Variants in GPHN observed in about 807,000 individuals in gnomAD.
GPHN encodes the protein gephyrin.
In GPHN, 17 loss-of-function variants were observed where a neutral mutation model predicts 95.5. The observed-to-expected ratio is 0.18, with a 90% CI of 0.12 to 0.27. GPHN has a LOEUF of 0.27. Among genes scored for constraint, GPHN ranks in the 10% least tolerant of loss-of-function variants. GPHN has a pLI of 1.00. For synonymous variants in GPHN, 320 were observed against 322.5 expected (o/e 0.99, Z 0.08); for missense variants, 660 against 978.1 (o/e 0.67, Z 4.34).
At chr14:66,812,909 G>A (rs2060818208) in intron 3 of GPHN, among the ~76,000 whole-genome samples, 1 of 152,092 alleles carries the variant, frequency 6.6e-6, no homozygotes, top group South Asian at 2.1e-4. Flanking sequence ...ATTTTACTCT[G>A]GAAAATTATC....
At chr14:66,868,437 A>T (rs528314520) in intron 4 of GPHN, among the ~76,000 whole-genome samples, 1 of 152,074 alleles carries the variant, frequency 6.6e-6, no homozygotes, top group Non-Finnish European at 1.5e-5. Context: ...TCTGTTGCCC[A>T]GACTGGAGTT....
At chr14:67,442,949 G>A in the GPHN span, among the ~76,000 whole-genome samples, 2 of 152,356 alleles carry the variant, frequency 1.3e-5, no homozygotes, top group South Asian at 4.1e-4. Flanking sequence ...GCTGGGTGAG[G>A]TGGCTCATCC....
At chr14:66,703,148 T>A (rs940770833) in intron 2 of GPHN, among the ~76,000 whole-genome samples, 3 of 151,986 alleles carry the variant, frequency 2.0e-5, no homozygotes, top group Admixed American at 2.0e-4. Context: ...CTTCAGCGTT[T>A]AAAAAGACCA....
the GPHN span, chr14:67,473,561 G>A: frequency 6.2e-6 from 10 of 1,613,552 alleles, no homozygotes; most frequent in Middle Eastern, 1.6e-4. The surrounding 1 kb of genome is among the most constrained non-coding windows in gnomAD (Gnocchi z 6.5). Context: ...ACCAGGGCAC[G>A]GCGTACTCCA....
chr14:67,292,660 A>G, the GPHN span: 11 of 1,613,790 alleles, frequency 6.8e-6, no homozygotes, highest in Non-Finnish European at 9.3e-6. Context: ...CACAGTACAC[A>G]TGAACAAGGC....
chr14:66,728,045 A>G (rs1595709712), intron 2 of GPHN, among the ~76,000 whole-genome samples: 1 of 152,158 alleles, frequency 6.6e-6, no homozygotes, highest in East Asian at 1.9e-4. Flanking sequence ...TGTTCCAACC[A>G]CTTTAGCCAT....
At chr14:67,728,908 TATTAG>T in the GPHN span, among the ~76,000 whole-genome samples, 2 of 152,232 alleles carry the variant, frequency 1.3e-5, no homozygotes, top group African/African-American at 2.4e-5. Context: ...TTGTCATGTT[TATTAG>T]TAGTACTAAA....
the GPHN span, among the ~76,000 whole-genome samples, chr14:67,251,343 G>A: frequency 2.0e-5 from 3 of 152,102 alleles, no homozygotes; most frequent in African/African-American, 7.2e-5. Context: ...GACCAACCTG[G>A]GCAACACAGT....
chr14:66,541,738 T>TC (rs2059360068), intron 1 of GPHN, among the ~76,000 whole-genome samples: 1 of 152,200 alleles, frequency 6.6e-6, no homozygotes, highest in African/African-American at 2.4e-5. Context: ...GGTAAAATAG[T>TC]TTAACTTTTA....
At chr14:67,210,244 C>T in the GPHN span, among the ~76,000 whole-genome samples, 6 of 152,086 alleles carry the variant, frequency 3.9e-5, no homozygotes, top group South Asian at 6.2e-4. Flanking sequence ...ATGTCGATTT[C>T]GTGAAACAAC....
chr14:67,387,402 G>C, the GPHN span: 1 of 1,610,480 alleles, frequency 6.2e-7, no homozygotes. Flanking sequence ...GTAATAGTGT[G>C]TGTCATCCTT....
At chr14:66,564,042 T>C (rs1268120146) in intron 1 of GPHN, among the ~76,000 whole-genome samples, 1 of 152,212 alleles carries the variant, frequency 6.6e-6, no homozygotes, top group South Asian at 2.1e-4. Flanking sequence ...TATATGACTC[T>C]CTAATGATTT....
chr14:66,769,355 A>T (rs978718334), intron 2 of GPHN, among the ~76,000 whole-genome samples: 4 of 152,088 alleles, frequency 2.6e-5, no homozygotes, highest in African/African-American at 9.7e-5. Context: ...TCAAGGGTAC[A>T]TGTTCAGATT....
At chr14:66,685,111 G>T (rs564706090) in intron 2 of GPHN, among the ~76,000 whole-genome samples, 1 of 152,264 alleles carries the variant, frequency 6.6e-6, no homozygotes, top group Non-Finnish European at 1.5e-5. Flanking sequence ...AGTATTCCAT[G>T]GTGTATATGT....
intron 21 of GPHN, among the ~76,000 whole-genome samples, chr14:67,172,203 A>G (rs1219478730): frequency 2.0e-5 from 3 of 152,098 alleles, no homozygotes; most frequent in Non-Finnish European, 2.9e-5. Flanking sequence ...AGCTGTTACA[A>G]CTTTCCCAGT....
chr14:67,664,273 C>T, the GPHN span, among the ~76,000 whole-genome samples: 2 of 152,126 alleles, frequency 1.3e-5, no homozygotes, highest in Admixed American at 1.3e-4. Flanking sequence ...ACTGAAATTC[C>T]GTACCCATCA....
intron 1 of GPHN, among the ~76,000 whole-genome samples, chr14:66,547,650 A>G (rs1401043295): frequency 6.6e-6 from 1 of 152,194 alleles, no homozygotes; most frequent in Non-Finnish European, 1.5e-5. Context: ...GTGGTGATAT[A>G]TCCTGTACAA....
the GPHN span, among the ~76,000 whole-genome samples, chr14:67,239,677 G>A: frequency 1.3e-5 from 2 of 152,262 alleles, no homozygotes; most frequent in East Asian, 1.9e-4. Flanking sequence ...CCAATGTGGC[G>A]AAACCCCGTC....
At chr14:66,980,675 A>G (rs1222535429) in intron 9 of GPHN, among the ~76,000 whole-genome samples, 3 of 152,160 alleles carry the variant, frequency 2.0e-5, no homozygotes, top group Non-Finnish European at 4.4e-5. Context: ...GAACTTTAAG[A>G]TCAAAATTAT....
Sources: gnomAD v4.1 joint callset for allele counts (sites outside exome capture counted in the v4.1 genomes callset) on GRCh38, gnomAD v4.1.1 for gene constraint, Gnocchi (gnomAD v3.1) non-coding constraint, MANE v1.5 for transcripts, NCBI Gene and HGNC (gene_info 2026-07-23, HGNC 2026-07-21) for gene names.